IFT81: variants seen among roughly 807,000 people sequenced by gnomAD.
The protein encoded by IFT81 is intraflagellar transport protein 81 homolog.
IFT81 carries 72 observed loss-of-function variants against 102.6 expected under a neutral mutation model. The observed-to-expected ratio is 0.70, with a 90% CI of 0.58 to 0.85. The LOEUF is 0.85. Among genes scored for constraint, IFT81 ranks in the 40% least tolerant of loss-of-function variants. The pLI, the probability that IFT81 is intolerant of heterozygous loss-of-function variation, is 0.00. For missense variants in IFT81, 723 were observed against 787.3 expected, an observed-to-expected ratio of 0.92 and a Z score of 0.98; for synonymous variants, 237 against 242.7, an observed-to-expected ratio of 0.98 and a Z score of 0.22.
At chr12:110,159,014 G>A (rs1206874939) in intron 10 of IFT81, among the ~76,000 whole-genome samples, 4 of 152,226 alleles carry the variant, frequency 2.6e-5, no homozygotes, top group Non-Finnish European at 5.9e-5. Flanking sequence ...GAGCCACTGC[G>A]CCTGGCTGTG....
intron 12 of IFT81, among the ~76,000 whole-genome samples, chr12:110,182,996 T>C (rs1351525883): frequency 6.6e-6 from 1 of 152,226 alleles, no homozygotes; most frequent in East Asian, 1.9e-4. Context: ...CTCATTTTCA[T>C]AGGCCATCCA....
chr12:110,146,931 T>C, intron 9 of IFT81, 22 bp from the exon 10 acceptor site: 1 of 1,584,662 alleles, frequency 6.3e-7, no homozygotes, highest in South Asian at 1.2e-5. Flanking sequence ...AACTTTTTTT[T>C]TTTGCTTTCA....
chr12:110,131,137 C>T (rs145290568), intron 4 of IFT81, among the ~76,000 whole-genome samples: 2 of 151,814 alleles, frequency 1.3e-5, no homozygotes, highest in East Asian at 3.9e-4. Flanking sequence ...AAAAAATTAG[C>T]CCAGCATGGT....
chr12:110,144,585 C>G (rs1416809425), intron 9 of IFT81, among the ~76,000 whole-genome samples: 2 of 145,172 alleles, frequency 1.4e-5, no homozygotes, highest in African/African-American at 5.1e-5. Flanking sequence ...ATCTCAGCTC[C>G]CTGCAACCTC....
chr12:110,153,825 T>A (rs1400774776), intron 10 of IFT81, among the ~76,000 whole-genome samples: 1 of 150,198 alleles, frequency 6.7e-6, no homozygotes, highest in Non-Finnish European at 1.5e-5. Flanking sequence ...CTACTAAAGG[T>A]CAGGGTGGTC....
chr12:110,193,742 G>A (rs1314506072), intron 14 of IFT81, among the ~76,000 whole-genome samples: 1 of 152,140 alleles, frequency 6.6e-6, no homozygotes, highest in East Asian at 1.9e-4. Context: ...AAATTTTACA[G>A]GGAAGTGTTA....
intron 11 of IFT81, chr12:110,167,863 TTC>T (rs1491454772): frequency 4.7e-5 from 14 of 295,978 alleles, no homozygotes; most frequent in South Asian, 1.5e-4. Context: ...TTTTTTTTTT[TTC>T]CCCAGAGACA....
At chr12:110,176,576 T>A (rs982076413) in intron 11 of IFT81, among the ~76,000 whole-genome samples, 1 of 152,142 alleles carries the variant, frequency 6.6e-6, no homozygotes, top group African/African-American at 2.4e-5. Flanking sequence ...ACATTGAAGA[T>A]CCAAAAATAA....
At chr12:110,185,420 G>A (rs930038197) in intron 12 of IFT81, among the ~76,000 whole-genome samples, 16 of 151,690 alleles carry the variant, frequency 1.1e-4, no homozygotes, top group Non-Finnish European at 1.9e-4. Flanking sequence ...TCAATCTCCC[G>A]ACCTCGTGAT....
intron 14 of IFT81, among the ~76,000 whole-genome samples, chr12:110,196,832 G>A (rs1898021594): frequency 1.3e-5 from 2 of 152,138 alleles, no homozygotes; most frequent in South Asian, 4.1e-4. Context: ...GCTTTCTTAT[G>A]ATTAGTATTG....
chr12:110,130,299 C>T (rs1368929978), intron 4 of IFT81, among the ~76,000 whole-genome samples: 1 of 151,684 alleles, frequency 6.6e-6, no homozygotes, highest in East Asian at 1.9e-4. Flanking sequence ...GTACTTTCTC[C>T]TTCCTAGGCT....
chr12:110,145,291 C>A (rs1415914866), intron 9 of IFT81, among the ~76,000 whole-genome samples: 2 of 152,092 alleles, frequency 1.3e-5, no homozygotes, highest in African/African-American at 4.8e-5. Context: ...CCTCCGTCCA[C>A]CTCAGTCTCC....
At chr12:110,169,023 CCCTTCCTTCCTTCCTTCCTTCCTT>C (rs201299809) in intron 11 of IFT81, 15 of 115,334 alleles carry the variant, frequency 1.3e-4, no homozygotes, top group South Asian at 3.4e-4. Context: ...TTTCCTTCCT[CCCTTCCTTCCTTCCTTCCTTCCTT>C]CCTTCCTTCC....
At position 110,129,047 on chromosome 12, in the gene IFT81, GC is replaced by G. The variant is rs753162734; in HGVS notation, c.347del (p.Ala116AspfsTer3). 1 of 1,606,466 alleles carries G rather than the reference GC, an allele frequency of 6.2e-7. No individual in the cohort carries two copies. The highest frequency in any genetic ancestry group is 1.3e-5 in the African/African-American group (1 of 74,526). On this transcript the variant is annotated frameshift_variant, in exon 4 of 19. Transcript: ENST00000242591. LOFTEE classifies it high-confidence loss of function. ...GAGGACTAATGAACTGAAGAAAAGA[GC>G]ATATTTAGCTCGTTTTTTAATAAAA... ...LQRTNELKKR[A>X]YLARFLIKLE...
At chr12:110,158,632 C>T (rs1254062808) in intron 10 of IFT81, among the ~76,000 whole-genome samples, 1 of 151,940 alleles carries the variant, frequency 6.6e-6, no homozygotes, top group African/African-American at 2.4e-5. Flanking sequence ...CTCTTTCGCC[C>T]AGGCCAAACT....
At chr12:110,141,654 C>T (rs1177889199) in intron 8 of IFT81, among the ~76,000 whole-genome samples, 3 of 152,162 alleles carry the variant, frequency 2.0e-5, no homozygotes, top group Middle Eastern at 3.4e-3. Flanking sequence ...CCCAGGCAGG[C>T]GGATCACTTG....
intron 1 of IFT81, among the ~76,000 whole-genome samples, chr12:110,125,376 G>T (rs980445357): frequency 2.0e-5 from 3 of 151,970 alleles, no homozygotes; most frequent in Admixed American, 6.6e-5. Context: ...TTTCATCATT[G>T]TGGAGAAATT....
At chr12:110,215,377 A>C (rs1869946264) in intron 18 of IFT81, among the ~76,000 whole-genome samples, 1 of 150,738 alleles carries the variant, frequency 6.6e-6, no homozygotes, top group African/African-American at 2.4e-5. Flanking sequence ...CCAAAATGTC[A>C]ACTGTAGTTG....
At chr12:110,193,920 T>C (rs1298809337) in intron 14 of IFT81, among the ~76,000 whole-genome samples, 1 of 152,224 alleles carries the variant, frequency 6.6e-6, no homozygotes, top group African/African-American at 2.4e-5. Flanking sequence ...CTCATGGTTC[T>C]ACAGGCTATA....
Sources: gnomAD v4.1 joint callset for allele counts (sites outside exome capture counted in the v4.1 genomes callset) on GRCh38, gnomAD v4.1.1 for gene constraint, MANE v1.5 for transcripts, NCBI Gene and HGNC (gene_info 2026-07-23, HGNC 2026-07-21) for gene names.